Variants in CFAP20DC observed in about 807,000 individuals in gnomAD.
CFAP20DC encodes protein CFAP20DC.
CFAP20DC carries 84 observed loss-of-function variants against 101.7 expected under a neutral mutation model. That is an observed-to-expected ratio of 0.83 (90% CI 0.69 to 0.99). The LOEUF is 0.99. CFAP20DC is among the 50% of genes least tolerant of loss of function. The probability of loss-of-function intolerance (pLI) is 0.00; values close to 1 mark genes in which losing one functional copy is unlikely to be tolerated. For synonymous variants in CFAP20DC, 359 were observed against 351.2 expected (o/e 1.02, Z -0.25); for missense variants, 1,007 against 970.3 (o/e 1.04, Z -0.50).
intron 7 of CFAP20DC, among the ~76,000 whole-genome samples, chr3:58,880,143 G>GTAAA (rs2081116923): frequency 6.6e-6 from 1 of 152,074 alleles, no homozygotes; most frequent in Admixed American, 6.5e-5. Context: ...TTAAAATTCT[G>GTAAA]TAATAGAGAA....
intron 14 of CFAP20DC, among the ~76,000 whole-genome samples, chr3:58,817,410 T>C (rs1328507596): frequency 1.3e-5 from 2 of 149,444 alleles, no homozygotes; most frequent in Admixed American, 6.7e-5. Flanking sequence ...TAGAAGAATG[T>C]ATAACTAGAA....
chr3:58,721,760 G>T lies in CFAP20DC; in HGVS notation c.198-4132C>A, dbSNP rs2067476547. Among the ~76,000 whole-genome samples the T allele has an allele frequency of 6.6e-6, 1 of 152,194 alleles. No individual in the cohort carries two copies. Among genetic ancestry groups the T allele is most frequent in the Non-Finnish European group, 1.5e-5 (1 of 68,040 alleles). On this transcript the variant is annotated intron_variant, in intron 3 of 3. Coordinates refer to the CFAP20DC transcript ENST00000486145. The surrounding 1 kb of genome is among the most constrained non-coding windows in gnomAD (Gnocchi z 5.2). ...GGAAGGGATTTTCCCAGAGATTTCTGCCCTGGGATCTCTATTCTTTTCTCA... is the reference window on the plus strand; with the variant it reads ...GGAAGGGATTTTCCCAGAGATTTCTTCCCTGGGATCTCTATTCTTTTCTCA...
intron 7 of CFAP20DC, among the ~76,000 whole-genome samples, chr3:58,876,673 A>G (rs2080778239): frequency 6.6e-6 from 1 of 152,148 alleles, no homozygotes; most frequent in South Asian, 2.1e-4. Flanking sequence ...AAAAATAAAC[A>G]TTCATTTTTG....
At chr3:58,727,137 C>A in intron 3 of CFAP20DC, 1 of 162,462 alleles carries the variant, frequency 6.2e-6, no homozygotes, top group Non-Finnish European at 1.3e-5. Flanking sequence ...TGTTCTCATT[C>A]TGTTGCTCCT....
At chr3:58,977,235 T>C (rs2092317006) in intron 4 of CFAP20DC, among the ~76,000 whole-genome samples, 1 of 152,310 alleles carries the variant, frequency 6.6e-6, no homozygotes, top group East Asian at 1.9e-4. Flanking sequence ...TAAATGAGGC[T>C]AAAACCTAAT....
At chr3:58,815,166 A>T (rs1252922699) in intron 14 of CFAP20DC, among the ~76,000 whole-genome samples, 4 of 151,574 alleles carry the variant, frequency 2.6e-5, no homozygotes, top group African/African-American at 9.7e-5. Context: ...AGAGATATAG[A>T]TCAATGGAAC....
chr3:58,779,522 G>C (rs1395358211), intron 15 of CFAP20DC, among the ~76,000 whole-genome samples: 1 of 152,014 alleles, frequency 6.6e-6, no homozygotes, highest in Non-Finnish European at 1.5e-5. Flanking sequence ...GCAAATATTA[G>C]TAGATAGAAA....
chr3:58,855,970 A>T (rs2078760036), intron 12 of CFAP20DC, among the ~76,000 whole-genome samples: 1 of 151,870 alleles, frequency 6.6e-6, no homozygotes, highest in African/African-American at 2.4e-5. Context: ...ATGTACCCTA[A>T]AACTTAAAGT....
intron 4 of CFAP20DC, among the ~76,000 whole-genome samples, chr3:58,975,853 T>C (rs914178378): frequency 6.6e-6 from 1 of 152,130 alleles, no homozygotes; most frequent in Non-Finnish European, 1.5e-5. Flanking sequence ...GCTCTGAGTA[T>C]ATGAATATTT....
intron 14 of CFAP20DC, among the ~76,000 whole-genome samples, chr3:58,809,034 A>G (rs1182198481): frequency 2.0e-5 from 3 of 151,986 alleles, no homozygotes; most frequent in African/African-American, 7.3e-5. Flanking sequence ...ATATATATGC[A>G]CCCAATACAG....
At chr3:58,737,235 CA>C (rs1282617267), downstream of CFAP20DC, 1 of 456,036 alleles carries the variant, frequency 2.2e-6, no homozygotes, top group Non-Finnish European at 4.4e-6. This position sits in a 1 kb window ranked among gnomAD's most constrained non-coding sequence, Gnocchi z 4.1. Context: ...CTGGGCAAAG[CA>C]AAAAACAAAA....
chr3:58,915,886 ACTAT>A (rs1269292093), intron 5 of CFAP20DC, among the ~76,000 whole-genome samples: 1 of 152,042 alleles, frequency 6.6e-6, no homozygotes, highest in Non-Finnish European at 1.5e-5. Context: ...AATTTTGGAC[ACTAT>A]CTACTGACTT....
intron 15 of CFAP20DC, among the ~76,000 whole-genome samples, chr3:58,800,322 G>T (rs1238085583): frequency 6.6e-6 from 1 of 152,208 alleles, no homozygotes; most frequent in East Asian, 1.9e-4. Flanking sequence ...AGTGAAAACA[G>T]AGAAAAGAGG....
chr3:59,020,213 T>C (rs989752538), intron 4 of CFAP20DC, among the ~76,000 whole-genome samples: 1 of 152,058 alleles, frequency 6.6e-6, no homozygotes, highest in African/African-American at 2.4e-5. Flanking sequence ...ATGGTAAATA[T>C]TGAGCTACAA....
intron 14 of CFAP20DC, among the ~76,000 whole-genome samples, chr3:58,830,343 A>C (rs917566785): frequency 3.5e-4 from 53 of 152,172 alleles, no homozygotes; most frequent in African/African-American, 1.2e-3. Context: ...TCACCACATC[A>C]TGGTGGTCAG....
At chr3:58,961,130 T>C (rs1324262353) in intron 4 of CFAP20DC, among the ~76,000 whole-genome samples, 1 of 152,258 alleles carries the variant, frequency 6.6e-6, no homozygotes, top group East Asian at 1.9e-4. Flanking sequence ...TGTATGTTTC[T>C]AGATTTTGTT....
At chr3:59,046,128 T>C (rs1699840714) in intron 3 of CFAP20DC, 101 bp downstream of exon 3, 1 of 781,514 alleles carries the variant, frequency 1.3e-6, no homozygotes, top group African/African-American at 1.8e-5. Context: ...CTTACATAAA[T>C]AGATGTCAGT....
At chr3:59,023,021 G>C (rs1047501552) in intron 4 of CFAP20DC, among the ~76,000 whole-genome samples, 4 of 152,106 alleles carry the variant, frequency 2.6e-5, no homozygotes, top group African/African-American at 9.7e-5. Context: ...GTGGTGGAGA[G>C]AAATGCACTT....
rs966401947 is a variant in CFAP20DC at position 58,856,202 on chromosome 3, A to G, written c.1594-6793T>C. ...CTGCATTGTTAAGGATCTTTTATAA[A>G]TATTTCTTCTTGGTATTCATCCTGG... On this transcript the variant is annotated intron_variant, in intron 12 of 16. Transcript: ENST00000482387. Among the ~76,000 whole-genome samples, 15 of 151,128 alleles carry G rather than the reference A, an allele frequency of 9.9e-5. 1 individual carries two copies. In the South Asian group the frequency reaches 3.2e-3, roughly 32 times the overall value.
Sources: gnomAD v4.1 joint callset for allele counts (sites outside exome capture counted in the v4.1 genomes callset) on GRCh38, gnomAD v4.1.1 for gene constraint, Gnocchi (gnomAD v3.1) non-coding constraint, MANE v1.5 for transcripts, NCBI Gene and HGNC (gene_info 2026-07-23, HGNC 2026-07-21) for gene names.